UBR1: variants seen among roughly 807,000 people sequenced by gnomAD.
UBR1 encodes ubiquitin protein ligase E3 component n-recognin 1.
Under a neutral mutation model 242.1 loss-of-function variants are expected in UBR1, and 102 were observed. The ratio of observed to expected loss-of-function variants is 0.42; its 90% confidence interval spans 0.36 to 0.50. The LOEUF (loss-of-function observed/expected upper bound fraction) is 0.50. UBR1 is among the 20% of genes least tolerant of loss of function. The probability of loss-of-function intolerance (pLI) is 0.01; values close to 1 mark genes in which losing one functional copy is unlikely to be tolerated. For missense variants in UBR1, 1,772 were observed against 2,101.8 expected, an observed-to-expected ratio of 0.84 and a Z score of 3.07; for synonymous variants, 675 against 684.8, an observed-to-expected ratio of 0.99 and a Z score of 0.22.
intron 36 of UBR1, 130 bp from the exon 37 acceptor site, chr15:42,984,123 T>C: frequency 1.9e-6 from 1 of 520,738 alleles, no homozygotes; most frequent in South Asian, 3.6e-5. Flanking sequence ...ATACCTTATA[T>C]CATTGCAAAT....
chr15:42,977,091 C>G (rs2032303411), intron 38 of UBR1, among the ~76,000 whole-genome samples: 1 of 152,130 alleles, frequency 6.6e-6, no homozygotes, highest in Non-Finnish European at 1.5e-5. Context: ...TTTGCTGTGT[C>G]TACTTATTGT....
In UBR1 at chr15:43,011,559, T is replaced by A. The variant is rs140207100; in HGVS notation, c.3209+4129A>T. Among the ~76,000 whole-genome samples the A allele has an allele frequency of 1.6e-3, 245 of 152,300 alleles. No individual in the cohort carries two copies. The Middle Eastern group carries it at 0.027, about 17-fold the overall frequency. On this transcript the variant is annotated intron_variant, in intron 29 of 46. Transcript: ENST00000290650. ...GCTCAACCTAGTACTAAATAGCAAT[T>A]GGGGAAATTCAGCCAGATTGGCACA... is the stretch of plus-strand genomic sequence containing the variant.
chr15:42,961,958 G>T (rs1354123357), intron 42 of UBR1, among the ~76,000 whole-genome samples: 1 of 149,754 alleles, frequency 6.7e-6, no homozygotes, highest in Non-Finnish European at 1.5e-5. Flanking sequence ...TAGAAATGGG[G>T]TTTCACTATC....
chr15:43,099,375 T>C (rs971810713), intron 1 of UBR1, among the ~76,000 whole-genome samples: 3 of 152,116 alleles, frequency 2.0e-5, no homozygotes, highest in East Asian at 3.8e-4. Flanking sequence ...TATGGGTACA[T>C]TTTTCTTTGA....
At chr15:42,987,848 T>C (rs2032499150) in intron 35 of UBR1, among the ~76,000 whole-genome samples, 1 of 151,020 alleles carries the variant, frequency 6.6e-6, no homozygotes, top group Non-Finnish European at 1.5e-5. Flanking sequence ...ACCAAAAATA[T>C]ATATATTGAA....
At chr15:42,962,477 G>A (rs1429039000) in intron 42 of UBR1, among the ~76,000 whole-genome samples, 2 of 152,002 alleles carry the variant, frequency 1.3e-5, no homozygotes, top group Non-Finnish European at 2.9e-5. Context: ...GAGCTAGCCT[G>A]AACTGGGGCC....
intron 46 of UBR1, among the ~76,000 whole-genome samples, chr15:42,946,664 CAA>C (rs1567104187): frequency 1.3e-5 from 2 of 152,026 alleles, no homozygotes; most frequent in African/African-American, 4.8e-5. Context: ...TTCAGTGAAC[CAA>C]AAAGAGTTTA....
intron 2 of UBR1, 116 bp downstream of exon 2, chr15:43,085,868 C>T (rs1017061255): frequency 5.7e-5 from 65 of 1,139,588 alleles, no homozygotes; most frequent in Non-Finnish European, 7.0e-5. Context: ...GTGACGTGAC[C>T]GGAGATCGCA....
intron 1 of UBR1, among the ~76,000 whole-genome samples, chr15:43,103,929 AAAAGAG>A (rs1429020607): frequency 6.6e-6 from 1 of 151,646 alleles, no homozygotes; most frequent in Non-Finnish European, 1.5e-5. Context: ...TTAAAAGAGA[AAAAGAG>A]AAAGAGAGAG....
intron 29 of UBR1, among the ~76,000 whole-genome samples, chr15:43,010,751 T>C (rs1040083965): frequency 7.7e-5 from 11 of 143,594 alleles, no homozygotes; most frequent in African/African-American, 2.6e-4. Context: ...AGTGGGAAGA[T>C]CACTTGAGGC....
chr15:43,061,283 G>T (rs2141338876), intron 6 of UBR1, among the ~76,000 whole-genome samples: 1 of 152,268 alleles, frequency 6.6e-6, no homozygotes, highest in Admixed American at 6.5e-5. Context: ...AACAAACCAG[G>T]AATCCAGAGA....
At chr15:43,094,533 T>G (rs1050763783) in intron 1 of UBR1, among the ~76,000 whole-genome samples, 3 of 151,938 alleles carry the variant, frequency 2.0e-5, no homozygotes, top group Admixed American at 1.3e-4. Flanking sequence ...TATTTTCTTT[T>G]TTATATATAT....
In UBR1 at chr15:43,037,788, C is replaced by T; in HGVS notation, c.2007G>A (p.Leu669=). 1 of 1,614,060 alleles carries T rather than the reference C, an allele frequency of 6.2e-7. No individual in the cohort carries two copies. Among genetic ancestry groups the T allele is most frequent in the Non-Finnish European group, 8.5e-7 (1 of 1,179,958 alleles). ...TTTGCTGTACCTGGCTAATAAGAGACAGTCCATTTCTTCGCCACATCTCAG... is the reference window on the plus strand; with the variant it reads ...TTTGCTGTACCTGGCTAATAAGAGATAGTCCATTTCTTCGCCACATCTCAG... ...VVAEMWRRNG[L]SLISQVFYYQ... The change falls in exon 17 of 47, where the codon CTG becomes CTA. Residue 669 remains leucine (L), a synonymous_variant. Coordinates refer to ENST00000290650, the MANE Select transcript of UBR1 (RefSeq NM_174916.3).
intron 15 of UBR1, among the ~76,000 whole-genome samples, chr15:43,039,097 T>G (rs1454771109): frequency 1.3e-5 from 2 of 151,854 alleles, no homozygotes; most frequent in Admixed American, 1.3e-4. Context: ...TAACAAAAAT[T>G]TTTATTTTTA....
chr15:43,096,890 T>C (rs147176366), intron 1 of UBR1, among the ~76,000 whole-genome samples: 3 of 152,216 alleles, frequency 2.0e-5, no homozygotes, highest in Non-Finnish European at 4.4e-5. Context: ...AGGGTTGGAA[T>C]CAACTTCTTC....
chr15:42,997,178 C>G (rs2032653213), intron 33 of UBR1, among the ~76,000 whole-genome samples: 1 of 152,186 alleles, frequency 6.6e-6, no homozygotes, highest in Admixed American at 6.5e-5. Context: ...AGCGCAAACT[C>G]TACTATGAAC....
At chr15:43,090,392 A>G (rs921772982) in intron 1 of UBR1, among the ~76,000 whole-genome samples, 4 of 152,146 alleles carry the variant, frequency 2.6e-5, no homozygotes, top group Admixed American at 6.5e-5. Flanking sequence ...CCTTACAGTG[A>G]GTCCATATTT....
In UBR1 at chr15:43,058,420, T is replaced by C. The variant is rs766647532; in HGVS notation, c.1103A>G (p.Lys368Arg). The C allele has an allele frequency of 1.9e-6, 3 of 1,610,884 alleles. No homozygotes were observed. The change falls in exon 10 of 47, where the codon AAG becomes AGG. Residue 368 changes from lysine (K) to arginine (R), a missense_variant. Lys to Arg is a conservative substitution (Grantham distance 26). Coordinates refer to ENST00000290650, the MANE Select transcript of UBR1 (RefSeq NM_174916.3). The stretch of plus-strand genomic sequence containing the variant: ...GCTGAAGATCAATTCATGAAGGATC[T>C]TACGGGCACCTATAGATTATTTTGG... ...WDAKLYKGAR[K>R]ILHELIFSSF...
At chr15:43,014,235 C>A (rs1412048287) in intron 29 of UBR1, among the ~76,000 whole-genome samples, 4 of 152,232 alleles carry the variant, frequency 2.6e-5, no homozygotes, top group African/African-American at 9.6e-5. Flanking sequence ...CTTGCTACAA[C>A]CTCCACCTCC....
Sources: gnomAD v4.1 joint callset for allele counts (sites outside exome capture counted in the v4.1 genomes callset) on GRCh38, gnomAD v4.1.1 for gene constraint, MANE v1.5 for transcripts, NCBI Gene and HGNC (gene_info 2026-07-23, HGNC 2026-07-21) for gene names.